The following DOCK8 variants were observed in gnomAD, a reference collection of about 807,000 sequenced individuals.
The protein encoded by DOCK8 is dedicator of cytokinesis protein 8.
DOCK8 carries 141 observed loss-of-function variants against 245.6 expected under a neutral mutation model. That is an observed-to-expected ratio of 0.57 (90% CI 0.50 to 0.66). The LOEUF is 0.66. DOCK8 is among the 30% of genes least tolerant of loss of function. The pLI, the probability that DOCK8 is intolerant of heterozygous loss-of-function variation, is 0.00. For synonymous variants in DOCK8, 1,168 were observed against 970.2 expected, an observed-to-expected ratio of 1.20 and a Z score of -3.79; for missense variants, 2,965 against 2,603.4, an observed-to-expected ratio of 1.14 and a Z score of -3.02.
intron 7 of DOCK8, among the ~76,000 whole-genome samples, chr9:323,235 T>A (rs1249384325): frequency 7.0e-6 from 1 of 142,398 alleles, no homozygotes; most frequent in East Asian, 2.1e-4. Context: ...TTTTTTTTTT[T>A]TTTTTTGAGA....
chr9:307,859 A>G (rs540584734), intron 5 of DOCK8, among the ~76,000 whole-genome samples: 3 of 152,342 alleles, frequency 2.0e-5, no homozygotes, highest in Admixed American at 6.5e-5. Context: ...TGTGGTATGT[A>G]TACACGATAG....
intron 46 of DOCK8, chr9:454,171 A>G (rs1290571274): frequency 6.6e-6 from 1 of 152,212 alleles, no homozygotes; most frequent in Non-Finnish European, 1.5e-5. Flanking sequence ...TACGTGGAAG[A>G]AAGGCGCTAG....
intron 7 of DOCK8, among the ~76,000 whole-genome samples, chr9:323,431 CA>C (rs1341113209): frequency 1.3e-5 from 2 of 151,974 alleles, no homozygotes; most frequent in Non-Finnish European, 2.9e-5. Context: ...CCGTGTTGGC[CA>C]GGCTGGTCTT....
rs1300561554 is a variant in DOCK8 at position 371,461 on chromosome 9, G to C, written c.1902G>C (p.Lys634Asn). The C allele has an allele frequency of 4.3e-6, 7 of 1,614,160 alleles. No homozygotes were observed. The highest frequency in any genetic ancestry group is 5.9e-6 in the Non-Finnish European group (7 of 1,180,018). ...ACTTTTATGAAGAAGTGAAAATTAA[G>C]CTCCCCGCTAAGCTCACAGTAAATC... Reference protein sequence around the residue: ...SPDFYEEVKIKLPAKLTVNHH... With the variant: ...SPDFYEEVKINLPAKLTVNHH... Residue 634 changes from lysine to asparagine, a missense_variant, in exon 17 of 48, where the codon AAG becomes AAC. Physicochemically the swap from Lys to Asn is moderately conservative, Grantham distance 94. Coordinates refer to ENST00000432829, the MANE Select transcript of DOCK8 (RefSeq NM_203447.4).
In DOCK8 at chr9:304,573, C is replaced by T; in HGVS notation, c.405-8C>T. 1 of 1,613,978 alleles carries T rather than the reference C, an allele frequency of 6.2e-7. No homozygotes were observed. The highest frequency in any genetic ancestry group is 8.5e-7 in the Non-Finnish European group (1 of 1,179,980). On this transcript the variant is annotated splice_region_variant and splice_polypyrimidine_tract_variant and intron_variant, in intron 4 of 47. Coordinates refer to ENST00000432829, the MANE Select transcript of DOCK8 (RefSeq NM_203447.4). ...TTCTCTCTCCAAATTAAATATCAAC[C>T]ATAAAAGAAACCAAGGAAGTCCAGA... is the stretch of plus-strand genomic sequence containing the variant.
rs757748565 is a variant in DOCK8 at position 336,737 on chromosome 9, G to C, written c.1422+19G>C. 3 of 1,613,702 alleles carry C rather than the reference G, an allele frequency of 1.9e-6. No individual in the cohort carries two copies. Among genetic ancestry groups the C allele is most frequent in the Middle Eastern group, 3.3e-4 (2 of 6,010 alleles). On this transcript the variant is annotated intron_variant, in intron 12 of 47. Transcript: ENST00000432829. Reference sequence around the variant, plus strand: ...CAAGCAGGTATCTCTTCACATTACAGTGTGTCTGGATTTTTCCCCATACTG... The same window carrying C: ...CAAGCAGGTATCTCTTCACATTACACTGTGTCTGGATTTTTCCCCATACTG...
At chr9:357,656 G>T (rs1411145869) in intron 14 of DOCK8, among the ~76,000 whole-genome samples, 2 of 151,950 alleles carry the variant, frequency 1.3e-5, no homozygotes, top group Non-Finnish European at 2.9e-5. Flanking sequence ...GATGTTCAGA[G>T]TACAGTACCA....
chr9:231,933 T>C (rs1406015684), intron 1 of DOCK8, among the ~76,000 whole-genome samples: 1 of 152,180 alleles, frequency 6.6e-6, no homozygotes, highest in Non-Finnish European at 1.5e-5. Context: ...TCCAACATTA[T>C]GTTGAATAGG....
At chr9:427,011 G>A (rs1318155915) in intron 34 of DOCK8, 30 bp downstream of exon 34, 16 of 1,586,892 alleles carry the variant, frequency 1.0e-5, no homozygotes, top group Non-Finnish European at 1.4e-5. Flanking sequence ...AATCTGATTT[G>A]TTGGCCATGA....
intron 4 of DOCK8, among the ~76,000 whole-genome samples, chr9:292,069 C>CAAAAAAA (rs139396600): frequency 1.7e-4 from 9 of 52,554 alleles, no homozygotes; most frequent in African/African-American, 2.4e-4. Flanking sequence ...GACCCTATCT[C>CAAAAAAA]AAAAAAAAAA....
chr9:413,866 G>A (rs1007273443), intron 28 of DOCK8, among the ~76,000 whole-genome samples: 4 of 152,224 alleles, frequency 2.6e-5, no homozygotes, highest in Non-Finnish European at 5.9e-5. Flanking sequence ...GAGGCTGGGC[G>A]CTCGGCGGCT....
At chr9:258,857 C>G (rs1396888884) in intron 1 of DOCK8, among the ~76,000 whole-genome samples, 1 of 152,044 alleles carries the variant, frequency 6.6e-6, no homozygotes, top group Admixed American at 6.5e-5. Context: ...CTTGGCCTCC[C>G]AAAGTGTTGG....
intron 28 of DOCK8, among the ~76,000 whole-genome samples, chr9:409,819 GT>G (rs1000671266): frequency 4.6e-5 from 7 of 151,856 alleles, no homozygotes; most frequent in Admixed American, 3.3e-4. Flanking sequence ...CCTTGCGATA[GT>G]TTGCTGAGAA....
At chr9:226,640 T>A (rs1234340707) in intron 1 of DOCK8, among the ~76,000 whole-genome samples, 3 of 151,888 alleles carry the variant, frequency 2.0e-5, no homozygotes, top group Non-Finnish European at 1.5e-5. Context: ...AAAAGAGAAA[T>A]CAAGATGTCT....
chr9:214,704 T>C, upstream of DOCK8: 1 of 1,560,204 alleles, frequency 6.4e-7, no homozygotes, highest in South Asian at 1.2e-5. Context: ...TGCCCCAGTA[T>C]CGGGAGGCCA....
chr9:273,109 T>A (rs1361985878), intron 2 of DOCK8: 2 of 985,424 alleles, frequency 2.0e-6, no homozygotes, highest in East Asian at 1.1e-4. Flanking sequence ...AGGTATGTTT[T>A]ACTGGAGTGA....
intron 3 of DOCK8, 90 bp downstream of exon 3, chr9:286,726 AAAAAT>A (rs962621916): frequency 8.1e-7 from 1 of 1,240,706 alleles, no homozygotes; most frequent in East Asian, 2.4e-5. Flanking sequence ...ATCTGAACTT[AAAAAT>A]AAAATAAAAT....
At chr9:374,453 GTTTT>G (rs762085208) in intron 18 of DOCK8, among the ~76,000 whole-genome samples, 7 of 75,350 alleles carry the variant, frequency 9.3e-5, no homozygotes, top group Admixed American at 2.1e-4. Flanking sequence ...GTCCTTTTGT[GTTTT>G]TTTTTTTTTT....
chr9:229,767 C>A (rs1261431419), intron 1 of DOCK8, among the ~76,000 whole-genome samples: 2 of 151,984 alleles, frequency 1.3e-5, no homozygotes, highest in Non-Finnish European at 2.9e-5. Flanking sequence ...TGTGGGCAGT[C>A]TTAGAAGGAT....
Sources: gnomAD v4.1 joint callset for allele counts (sites outside exome capture counted in the v4.1 genomes callset) on GRCh38, gnomAD v4.1.1 for gene constraint, MANE v1.5 for transcripts, NCBI Gene and HGNC (gene_info 2026-07-23, HGNC 2026-07-21) for gene names.